ARHGEF2: variants seen among roughly 807,000 people sequenced by gnomAD.
ARHGEF2 encodes the protein rho guanine nucleotide exchange factor 2.
A neutral mutation model predicts 121.0 loss-of-function variants in ARHGEF2; 22 were observed. The ratio of observed to expected loss-of-function variants is 0.18; its 90% CI spans 0.13 to 0.26. The LOEUF is 0.26. Among genes scored for constraint, ARHGEF2 ranks in the 10% least tolerant of loss-of-function variants. The probability of loss-of-function intolerance (pLI) is 1.00; values close to 1 mark genes in which losing one functional copy is unlikely to be tolerated. For synonymous variants in ARHGEF2, 487 were observed against 530.0 expected (o/e 0.92, Z 1.11); for missense variants, 907 against 1,336.0 (o/e 0.68, Z 5.01).
intron 14 of ARHGEF2, among the ~76,000 whole-genome samples, chr1:155,954,282 C>CTT (rs544870775): frequency 0.44 from 47,851 of 108,384 alleles, 14,385 homozygotes; most frequent in Non-Finnish European, 0.64. Context: ...CAATCTACTT[C>CTT]TTTTTTTTTT....
upstream of ARHGEF2, chr1:155,979,360 G>C (rs1031434813): frequency 1.0e-5 from 10 of 982,214 alleles, no homozygotes; most frequent in South Asian, 4.7e-5. Context: ...CCTAGTCAAA[G>C]AAAGTTAGGG....
At position 155,978,429 on chromosome 1, in the gene ARHGEF2, A is replaced by T; in HGVS notation, c.-2T>A. Reference sequence around the variant, plus strand: ...CGTGAGGGATTCGATCCGAGACATAATCGGACGGGGGGACCAGGGAGGACG... The same window carrying T: ...CGTGAGGGATTCGATCCGAGACATATTCGGACGGGGGGACCAGGGAGGACG... On this transcript the variant is annotated 5_prime_UTR_variant, in exon 1 of 22. Coordinates refer to ENST00000361247, the MANE Select transcript of ARHGEF2 (RefSeq NM_001162383.2). This position sits in a 1 kb window ranked among gnomAD's most constrained non-coding sequence, Gnocchi z 4.1. 6.7e-7 allele frequency: 1 copy of T among 1,498,698 alleles called. No individual in the cohort carries two copies. Among genetic ancestry groups the T allele is most frequent in the Non-Finnish European group, 9.0e-7 (1 of 1,111,204 alleles). 92.8% of individuals were successfully genotyped at this position (1,498,698 alleles called of 1,614,324 possible).
At chr1:155,955,998 G>A (rs1008401432) in intron 13 of ARHGEF2, among the ~76,000 whole-genome samples, 1 of 152,194 alleles carries the variant, frequency 6.6e-6, no homozygotes, top group Non-Finnish European at 1.5e-5. Flanking sequence ...GTGAGCCACA[G>A]CGCCTGGCCA....
In ARHGEF2 at chr1:155,962,064, G is replaced by A; in HGVS notation, c.1219+41C>T. Reference sequence around the variant, plus strand: ...TACCGAGCCTTTCCTCACCCCAGGTGGCCGTCTCCCAGTGGCCCTCTCCTG... The same window carrying A: ...TACCGAGCCTTTCCTCACCCCAGGTAGCCGTCTCCCAGTGGCCCTCTCCTG... On this transcript the variant is annotated intron_variant, in intron 10 of 21. Coordinates refer to ENST00000361247, the MANE Select transcript of ARHGEF2 (RefSeq NM_001162383.2). This position sits in a 1 kb window ranked among gnomAD's most constrained non-coding sequence, Gnocchi z 5.8. 6.2e-7 allele frequency: 1 copy of A among 1,610,430 alleles called. No individual in the cohort carries two copies.
chr1:155,970,350 A>T (rs1680224717), intron 1 of ARHGEF2: 3 of 985,448 alleles, frequency 3.0e-6, no homozygotes, highest in Non-Finnish European at 3.6e-6. Context: ...GTCCCTCTTC[A>T]AGCCCCTGTG....
rs1674549231 is a variant in ARHGEF2 at position 155,947,177 on chromosome 1, A to G, written c.*765T>C. The G allele has an allele frequency of 5.5e-6, 2 of 364,326 alleles. No individual in the cohort carries two copies. The highest frequency in any genetic ancestry group is 1.1e-5 in the Non-Finnish European group (2 of 184,864). The allele number at this position is 364,326 out of a possible 1,614,324, so 22.6% of individuals were successfully genotyped here. On this transcript the variant is annotated 3_prime_UTR_variant, in exon 22 of 22. Coordinates refer to ENST00000361247, the MANE Select transcript of ARHGEF2 (RefSeq NM_001162383.2). Reference sequence around the variant, plus strand: ...TCAACTTCTTCAGAGATGTGGAGATAGGAGGCTTCGATCTCTAATTGCCTA... The same window carrying G: ...TCAACTTCTTCAGAGATGTGGAGATGGGAGGCTTCGATCTCTAATTGCCTA...
In ARHGEF2 at chr1:155,951,659, A is replaced by G; in HGVS notation, c.2208+82T>C. On this transcript the variant is annotated intron_variant, in intron 18 of 21. Transcript: ENST00000361247. This position sits in a 1 kb window ranked among gnomAD's most constrained non-coding sequence, Gnocchi z 5.1. ...ATACTTGAATGTAGACGCTTTCCCC[A>G]CCCCACTCCAAACTGGGCTCTAACT... 1 of 1,608,182 alleles carries G rather than the reference A, an allele frequency of 6.2e-7. No homozygotes were observed. The highest frequency in any genetic ancestry group is 2.2e-5 in the East Asian group (1 of 44,828).
chr1:155,948,484 A>G (rs954318404), intron 21 of ARHGEF2, among the ~76,000 whole-genome samples: 4 of 152,000 alleles, frequency 2.6e-5, no homozygotes, highest in Admixed American at 2.6e-4. Context: ...GCCAAAAATT[A>G]GCTATATGTG....
Position 155,961,015 on chromosome 1 carries a change from C to T in ARHGEF2, c.1468+646G>A, listed in dbSNP as rs1677796418. 6.6e-6 allele frequency among the ~76,000 whole-genome samples: 1 copy of T among 152,196 alleles called. No homozygotes were observed. Among genetic ancestry groups the T allele is most frequent in the African/African-American group, 2.4e-5 (1 of 41,450 alleles). Reference sequence around the variant, plus strand: ...CGCTCCCCAAAGCTCTTGCTTACTCCCATCCCTGGTAGCTGGGATTCCAGC... The same window carrying T: ...CGCTCCCCAAAGCTCTTGCTTACTCTCATCCCTGGTAGCTGGGATTCCAGC... On this transcript the variant is annotated intron_variant, in intron 11 of 21. Transcript: ENST00000361247. This position sits in a 1 kb window ranked among gnomAD's most constrained non-coding sequence, Gnocchi z 4.7.
In ARHGEF2 at chr1:155,966,367, C is replaced by T. The variant is rs200597731; in HGVS notation, c.340+49G>A. Reference sequence around the variant, plus strand: ...GCAGCAGAGCCCATGGGTTGAGCAGCCTGGGGTCCAGGGTCTTAGGGGACC... The same window carrying T: ...GCAGCAGAGCCCATGGGTTGAGCAGTCTGGGGTCCAGGGTCTTAGGGGACC... On this transcript the variant is annotated intron_variant, in intron 4 of 21. Coordinates refer to ENST00000361247, the MANE Select transcript of ARHGEF2 (RefSeq NM_001162383.2). 8.5e-5 allele frequency: 135 copies of T among 1,593,402 alleles called. No homozygotes were observed. The East Asian group carries it at 2.4e-3, about 29-fold the overall frequency.
chr1:155,952,084 C>A (rs1310130526), intron 16 of ARHGEF2, 32 bp downstream of exon 16: 18 of 1,614,040 alleles, frequency 1.1e-5, no homozygotes, highest in African/African-American at 1.3e-5. Flanking sequence ...CCCCTCCCAC[C>A]TACTACCTTG....
chr1:155,966,278 G>C, intron 4 of ARHGEF2, 138 bp downstream of exon 4: 1 of 805,466 alleles, frequency 1.2e-6, no homozygotes, highest in Non-Finnish European at 2.0e-6. Flanking sequence ...CCTCCCTTAG[G>C]CCCCCACTAT....
chr1:155,954,572 GC>G (rs1676276472), intron 14 of ARHGEF2, among the ~76,000 whole-genome samples: 1 of 144,908 alleles, frequency 6.9e-6, no homozygotes, highest in African/African-American at 2.5e-5. Context: ...ACAGGCGTGA[GC>G]CACCGCGCCC....
rs772673651 is a variant in ARHGEF2 at position 155,950,994 on chromosome 1, C to T, written c.2538G>A (p.Arg846=). The part of the protein sequence containing the change: ...EARLRESEQA[R]ALLEREAEEA... ...CTTCGGCCTCACGCTCCAGCAGTGC[C>T]CGGGCCTGCTCACTCTCCCGGAGCC... is the stretch of plus-strand genomic sequence containing the variant. Residue 846 remains arginine (R), a synonymous_variant, in exon 20 of 22, where the codon CGG becomes CGA. Transcript: ENST00000361247. This position sits in a 1 kb window ranked among gnomAD's most constrained non-coding sequence, Gnocchi z 5.2. 2.2e-5 allele frequency: 36 copies of T among 1,608,946 alleles called. No individual in the cohort carries two copies. The highest frequency in any genetic ancestry group is 1.0e-4 in the Admixed American group (6 of 59,698).
rs1674522745 is a variant in ARHGEF2 at position 155,946,949 on chromosome 1, T to C, written c.*993A>G. ...TCGACATTTGGGGGCTGGTCGACAT[T>C]TGGGGGCAAGGGTTCCACTGAAAAA... is the stretch of plus-strand genomic sequence containing the variant. On this transcript the variant is annotated 3_prime_UTR_variant, in exon 22 of 22. Transcript: ENST00000361247. The C allele has an allele frequency of 6.5e-6, 1 of 153,206 alleles. No homozygotes were observed. The highest frequency in any genetic ancestry group is 6.5e-5 in the Admixed American group (1 of 15,306). The allele number at this position is 153,206 out of a possible 1,614,324, so 9.5% of individuals were successfully genotyped here.
intron 1 of ARHGEF2, among the ~76,000 whole-genome samples, chr1:155,971,803 T>C (rs1242004459): frequency 6.6e-6 from 1 of 151,636 alleles, no homozygotes; most frequent in East Asian, 1.9e-4. Context: ...ATCCCAGCAC[T>C]TTGCGGGGCT....
chr1:155,963,683 T>A (rs1320782591), intron 7 of ARHGEF2, among the ~76,000 whole-genome samples: 1 of 150,700 alleles, frequency 6.6e-6, no homozygotes, highest in Non-Finnish European at 1.5e-5. Flanking sequence ...TTATTTTTTT[T>A]TTTCCAGAAA....
chr1:155,952,837 A>G lies in ARHGEF2; in HGVS notation c.1784-9T>C, dbSNP rs760860787. 2 of 1,614,078 alleles carry G rather than the reference A, an allele frequency of 1.2e-6. No homozygotes were observed. Among genetic ancestry groups the G allele is most frequent in the Admixed American group, 1.7e-5 (1 of 60,022 alleles). On this transcript the variant is annotated splice_polypyrimidine_tract_variant and intron_variant, in intron 14 of 21. Coordinates refer to ENST00000361247, the MANE Select transcript of ARHGEF2 (RefSeq NM_001162383.2). Reference sequence around the variant, plus strand: ...CTTCTGCTGCAACTCCACTGCAGATAAGGAACAAGTGAGGACATGAGAGGA... The same window carrying G: ...CTTCTGCTGCAACTCCACTGCAGATGAGGAACAAGTGAGGACATGAGAGGA...
rs765270619 is a variant in ARHGEF2 at position 155,965,289 on chromosome 1, C to G, written c.580+14G>C. The stretch of plus-strand genomic sequence containing the variant: ...CATGTTCCTCAGGGCTCCCCTGGGC[C>G]CAGGCCTGCTCACCTTCGTCAATGA... On this transcript the variant is annotated intron_variant, in intron 6 of 21. Transcript: ENST00000361247. This position sits in a 1 kb window ranked among gnomAD's most constrained non-coding sequence, Gnocchi z 6.0. 1 of 1,613,444 alleles carries G rather than the reference C, an allele frequency of 6.2e-7. No individual in the cohort carries two copies. Among genetic ancestry groups the G allele is most frequent in the Non-Finnish European group, 8.5e-7 (1 of 1,179,326 alleles).
Sources: gnomAD v4.1 joint callset for allele counts (sites outside exome capture counted in the v4.1 genomes callset) on GRCh38, gnomAD v4.1.1 for gene constraint, Gnocchi (gnomAD v3.1) non-coding constraint, MANE v1.5 for transcripts, NCBI Gene and HGNC (gene_info 2026-07-23, HGNC 2026-07-21) for gene names.